The following ADCY2 variants were observed in gnomAD, a reference collection of about 807,000 sequenced individuals.
ADCY2 encodes adenylate cyclase 2.
ADCY2 carries 31 observed loss-of-function variants against 125.2 expected under a neutral mutation model. That is an observed-to-expected ratio of 0.25 (90% confidence interval 0.19 to 0.33). The LOEUF is 0.33. ADCY2 is among the 10% of genes least tolerant of loss of function. The probability of loss-of-function intolerance (pLI) is 1.00; values close to 1 mark genes in which losing one functional copy is unlikely to be tolerated. For missense variants in ADCY2, 904 were observed against 1,418.2 expected (o/e 0.64, Z 5.82); for synonymous variants, 512 against 548.4 (o/e 0.93, Z 0.93).
chr5:7,516,728 G>A (rs1744265353), intron 2 of ADCY2, among the ~76,000 whole-genome samples: 1 of 152,202 alleles, frequency 6.6e-6, no homozygotes, highest in African/African-American at 2.4e-5. Context: ...TTGGAGAAAG[G>A]CATGGAATGG....
intron 3 of ADCY2, among the ~76,000 whole-genome samples, chr5:7,584,876 A>G (rs1736572654): frequency 6.6e-6 from 1 of 152,206 alleles, no homozygotes; most frequent in Non-Finnish European, 1.5e-5. Context: ...ACTCTCTAAA[A>G]GTCTCTACAC....
chr5:7,760,880 A>G (rs1296529913), intron 16 of ADCY2, among the ~76,000 whole-genome samples: 1 of 151,974 alleles, frequency 6.6e-6, no homozygotes, highest in South Asian at 2.1e-4. Context: ...GCAGCTTTGT[A>G]CCCTTTGACC....
At chr5:7,739,687 G>A (rs1742356859) in intron 14 of ADCY2, among the ~76,000 whole-genome samples, 2 of 150,090 alleles carry the variant, frequency 1.3e-5, no homozygotes, top group African/African-American at 2.5e-5. Context: ...AAGAAAAACA[G>A]GGAGAAAAAT....
intron 4 of ADCY2, among the ~76,000 whole-genome samples, chr5:7,679,076 CTT>C (rs1167857105): frequency 1.3e-5 from 2 of 152,218 alleles, no homozygotes; most frequent in East Asian, 3.8e-4. Flanking sequence ...AAACAGGTGA[CTT>C]TGGCAGAGTT....
chr5:7,746,430 A>G (rs1318863338), intron 15 of ADCY2: 4 of 152,168 alleles, frequency 2.6e-5, no homozygotes, highest in African/African-American at 7.2e-5. Flanking sequence ...TTCTTTAAGG[A>G]TTTTTTAATT....
intron 2 of ADCY2, among the ~76,000 whole-genome samples, chr5:7,424,396 C>T (rs1157342394): frequency 2.0e-5 from 3 of 152,260 alleles, no homozygotes; most frequent in Non-Finnish European, 4.4e-5. Flanking sequence ...TCCTCAAAGT[C>T]ACACAGTGAG....
chr5:7,443,642 A>G, intron 2 of ADCY2, among the ~76,000 whole-genome samples: 1 of 18,996 alleles, frequency 5.3e-5, no homozygotes, highest in Admixed American at 4.2e-4. Flanking sequence ...TCTGTCTCAA[A>G]AAAAAAAAAA....
intron 3 of ADCY2, among the ~76,000 whole-genome samples, chr5:7,575,693 A>C (rs1466407925): frequency 6.6e-6 from 1 of 152,176 alleles, no homozygotes; most frequent in African/African-American, 2.4e-5. Context: ...GGAAAACTGC[A>C]AACCTTACAT....
chr5:7,628,074 T>G (rs1253559402), intron 4 of ADCY2, among the ~76,000 whole-genome samples: 1 of 152,232 alleles, frequency 6.6e-6, no homozygotes, highest in Non-Finnish European at 1.5e-5. Context: ...GTACCTATTT[T>G]CAGTAACGTT....
chr5:7,571,647 C>T (rs1736068546), intron 3 of ADCY2, among the ~76,000 whole-genome samples: 1 of 152,084 alleles, frequency 6.6e-6, no homozygotes, highest in African/African-American at 2.4e-5. Flanking sequence ...TTTTGTTTGT[C>T]CTTTACTTTT....
intron 4 of ADCY2, among the ~76,000 whole-genome samples, chr5:7,650,106 C>A (rs781494939): frequency 4.4e-4 from 67 of 152,222 alleles, no homozygotes; most frequent in Non-Finnish European, 7.6e-4. Context: ...CACTATACAG[C>A]AGCCACATTG....
intron 3 of ADCY2, among the ~76,000 whole-genome samples, chr5:7,526,336 G>A (rs1393115242): frequency 6.6e-6 from 1 of 152,236 alleles, no homozygotes; most frequent in Non-Finnish European, 1.5e-5. Flanking sequence ...AGGGAAGCGG[G>A]TGGTAAAATT....
chr5:7,555,056 A>G (rs1386365507), intron 3 of ADCY2, among the ~76,000 whole-genome samples: 1 of 152,178 alleles, frequency 6.6e-6, no homozygotes, highest in East Asian at 1.9e-4. Context: ...TTATGCCATG[A>G]ATACGTGAGT....
chr5:7,504,874 G>T (rs1396983826), intron 2 of ADCY2, among the ~76,000 whole-genome samples: 5 of 151,444 alleles, frequency 3.3e-5, no homozygotes, highest in African/African-American at 1.2e-4. Context: ...AGGAAGAGAG[G>T]GTTTATTTAT....
intron 11 of ADCY2, among the ~76,000 whole-genome samples, chr5:7,714,840 C>T (rs1223307208): frequency 6.6e-6 from 1 of 152,216 alleles, no homozygotes; most frequent in Non-Finnish European, 1.5e-5. Flanking sequence ...GAGCCTCCAG[C>T]CTGGCCCACA....
chr5:7,706,782 G>A lies in ADCY2; in HGVS notation c.1148G>A (p.Arg383His), dbSNP rs573846891. ...RDATGVDINM[R>H]VGVHSGNVLC... ...GCTACTGGAGTTGATATCAACATGC[G>A]CGTGGGCGTGCATTCTGGGAATGTC... The change falls in exon 8 of 25, where the codon CGC (arginine) becomes CAC (histidine). Residue 383 changes from arginine (R) to histidine (H), a missense_variant. Coordinates refer to ENST00000338316, the MANE Select transcript of ADCY2 (RefSeq NM_020546.3). The A allele has an allele frequency of 5.0e-6, 8 of 1,614,058 alleles. No individual in the cohort carries two copies. Among genetic ancestry groups the A allele is most frequent in the Middle Eastern group, 1.6e-4 (1 of 6,084 alleles).
intron 3 of ADCY2, 47 bp downstream of exon 3, chr5:7,520,946 C>G (rs1450690484): frequency 6.2e-7 from 1 of 1,606,890 alleles, no homozygotes; most frequent in East Asian, 2.2e-5. Flanking sequence ...CACATCCCAC[C>G]AGGGGGTGAG....
chr5:7,493,077 G>T (rs775089473), intron 2 of ADCY2, among the ~76,000 whole-genome samples: 3 of 152,164 alleles, frequency 2.0e-5, no homozygotes, highest in Non-Finnish European at 4.4e-5. Context: ...CAGGGCAGTG[G>T]CTAATGGCAA....
At chr5:7,436,414 C>T (rs1021691010) in intron 2 of ADCY2, among the ~76,000 whole-genome samples, 4 of 152,198 alleles carry the variant, frequency 2.6e-5, no homozygotes, top group African/African-American at 7.2e-5. Flanking sequence ...TCTCCACCTT[C>T]ATATCTGATG....
Sources: allele counts gnomAD v4.1 joint callset (sites outside exome capture counted in the v4.1 genomes callset), GRCh38; gene constraint gnomAD v4.1.1; transcripts MANE v1.5; gene names NCBI Gene and HGNC (gene_info 2026-07-23, HGNC 2026-07-21).